GLDN: variants seen among roughly 807,000 people sequenced by gnomAD.
GLDN encodes collomin.
A neutral mutation model predicts 56.5 loss-of-function variants in GLDN; 47 were observed. That is an observed-to-expected ratio of 0.83 (90% confidence interval 0.66 to 1.06). The LOEUF is 1.06. Ranked by LOEUF, GLDN falls within the 50% of genes least tolerant of loss-of-function variation. The pLI, the probability that GLDN is intolerant of heterozygous loss-of-function variation, is 0.00. For missense variants in GLDN, 782 were observed against 714.3 expected, an observed-to-expected ratio of 1.09 and a Z score of -1.08; for synonymous variants, 332 against 278.8, an observed-to-expected ratio of 1.19 and a Z score of -1.90.
At chr15:51,378,250 A>G (rs1324578188) in intron 2 of GLDN, among the ~76,000 whole-genome samples, 1 of 152,182 alleles carries the variant, frequency 6.6e-6, no homozygotes, top group East Asian at 1.9e-4. Context: ...TCTTTCACTT[A>G]TTTTGGCCTC....
intron 1 of GLDN, chr15:51,377,110 T>C: frequency 6.2e-6 from 2 of 320,978 alleles, no homozygotes; most frequent in Non-Finnish European, 1.2e-5. Flanking sequence ...CTATACATAA[T>C]TGTACGTGCT....
Position 51,398,418 on chromosome 15 carries a change from C to T in GLDN, c.817+820C>T, listed in dbSNP as rs544251266. On this transcript the variant is annotated intron_variant, in intron 6 of 9. Transcript: ENST00000335449. ...CTTCTAGGGTGATGCTAGGACTTCT[C>T]TCCCAAAGGGGTGACCTAGGATCCG... 7.2e-5 allele frequency among the ~76,000 whole-genome samples: 11 copies of T among 152,328 alleles called. No individual in the cohort carries two copies. The East Asian group carries it at 1.9e-3, about 27-fold the overall frequency.
intron 1 of GLDN, among the ~76,000 whole-genome samples, chr15:51,363,324 C>A (rs2037338463): frequency 1.3e-5 from 2 of 152,152 alleles, no homozygotes; most frequent in African/African-American, 4.8e-5. Context: ...CAACAAAATT[C>A]AATCAATCAA....
At chr15:51,382,781 C>T (rs2037795616) in intron 2 of GLDN, among the ~76,000 whole-genome samples, 2 of 151,684 alleles carry the variant, frequency 1.3e-5, no homozygotes, top group African/African-American at 4.8e-5. Flanking sequence ...GCTCATGTTA[C>T]AACCTCATTA....
intron 2 of GLDN, among the ~76,000 whole-genome samples, chr15:51,382,779 T>C (rs2037795541): frequency 6.6e-6 from 1 of 152,024 alleles, no homozygotes; most frequent in South Asian, 2.1e-4. Flanking sequence ...GTGCTCATGT[T>C]ACAACCTCAT....
intron 1 of GLDN, among the ~76,000 whole-genome samples, chr15:51,344,047 G>A (rs1033680876): frequency 6.6e-6 from 1 of 152,188 alleles, no homozygotes; most frequent in Admixed American, 6.5e-5. Context: ...TGCAGATTCT[G>A]ATTCAGATGG....
chr15:51,383,018 T>C (rs756689870), intron 2 of GLDN, among the ~76,000 whole-genome samples: 9 of 152,162 alleles, frequency 5.9e-5, no homozygotes, highest in Non-Finnish European at 1.3e-4. Context: ...TGAGACAAGC[T>C]AGCTAGATTA....
intron 1 of GLDN, among the ~76,000 whole-genome samples, chr15:51,373,447 G>T (rs1036787230): frequency 6.6e-6 from 1 of 152,220 alleles, no homozygotes; most frequent in Non-Finnish European, 1.5e-5. Context: ...ACTGATAAAA[G>T]TTCGTGTACA....
At chr15:51,345,265 C>T (rs1001895866) in intron 1 of GLDN, among the ~76,000 whole-genome samples, 3 of 152,056 alleles carry the variant, frequency 2.0e-5, no homozygotes, top group Non-Finnish European at 2.9e-5. Flanking sequence ...GGTCAAGCAC[C>T]CAGAGGGAGT....
Position 51,383,431 on chromosome 15 carries a change from T to C in GLDN, c.416-5T>C. On this transcript the variant is annotated splice_region_variant and splice_polypyrimidine_tract_variant and intron_variant, in intron 2 of 9. Transcript: ENST00000335449. ...TTTCTCAACTAAATTTTTTTTCCGT[T>C]GTAGGACCTTCTGGACCACCAGGTA... The C allele has an allele frequency of 1.2e-6, 2 of 1,614,098 alleles. No homozygotes were observed. Among genetic ancestry groups the C allele is most frequent in the South Asian group, 1.1e-5 (1 of 91,072 alleles).
At chr15:51,364,402 C>T (rs7182647) in intron 1 of GLDN, among the ~76,000 whole-genome samples, 16,386 of 152,142 alleles carry the variant, frequency 0.11, 1,624 homozygotes, top group African/African-American at 0.26. Flanking sequence ...TCTTTAGAGA[C>T]AGGCTCTCGC....
At chr15:51,381,889 C>G (rs1173142133) in intron 2 of GLDN, among the ~76,000 whole-genome samples, 5 of 152,002 alleles carry the variant, frequency 3.3e-5, no homozygotes, top group Non-Finnish European at 7.4e-5. Flanking sequence ...GCTATCAAAC[C>G]CACACTGCTT....
chr15:51,381,963 T>C (rs994317264), intron 2 of GLDN, among the ~76,000 whole-genome samples: 2 of 152,188 alleles, frequency 1.3e-5, no homozygotes, highest in Non-Finnish European at 2.9e-5. Context: ...AGATACCATC[T>C]ACACCTCCTG....
At chr15:51,360,619 G>A (rs4774587) in intron 1 of GLDN, 23,969 of 152,236 alleles carry the variant, frequency 0.16, 2,337 homozygotes, top group Non-Finnish European at 0.22. Flanking sequence ...CTTCTGTCCC[G>A]GATAACTATC....
intron 4 of GLDN, chr15:51,384,442 C>A (rs965201765): frequency 1.8e-5 from 3 of 164,530 alleles, no homozygotes; most frequent in African/African-American, 7.2e-5. Context: ...TACAGGATAA[C>A]TATGAAGATA....
intron 1 of GLDN, among the ~76,000 whole-genome samples, chr15:51,362,724 G>A (rs2037325648): frequency 6.6e-6 from 1 of 152,144 alleles, no homozygotes. Flanking sequence ...GATGAGAATA[G>A]ACTTTGTGGG....
At chr15:51,397,728 C>T in intron 6 of GLDN, 130 bp downstream of exon 6, 1 of 1,203,168 alleles carries the variant, frequency 8.3e-7, no homozygotes, top group Non-Finnish European at 1.1e-6. Flanking sequence ...TGAAAGTTCC[C>T]TTCTTGCAAA....
At chr15:51,358,793 T>C (rs1163427374) in intron 1 of GLDN, among the ~76,000 whole-genome samples, 4 of 152,158 alleles carry the variant, frequency 2.6e-5, no homozygotes, top group Admixed American at 6.5e-5. Context: ...AAGTGACTTA[T>C]ATTTTTCTGC....
intron 4 of GLDN, among the ~76,000 whole-genome samples, chr15:51,394,472 G>A (rs1179114313): frequency 6.6e-6 from 1 of 152,186 alleles, no homozygotes; most frequent in African/African-American, 2.4e-5. Context: ...AATTAGATGG[G>A]TGTGGTGGCT....
Sources: gnomAD v4.1 joint callset for allele counts (sites outside exome capture counted in the v4.1 genomes callset) on GRCh38, gnomAD v4.1.1 for gene constraint, MANE v1.5 for transcripts, NCBI Gene and HGNC (gene_info 2026-07-23, HGNC 2026-07-21) for gene names.